SCOC: variants seen among roughly 807,000 people sequenced by gnomAD.
SCOC encodes short coiled-coil protein.
SCOC carries 7 observed loss-of-function variants against 9.9 expected under a neutral mutation model. The ratio of observed to expected loss-of-function variants is 0.71; its 90% CI spans 0.40 to 1.33. The LOEUF is 1.33. Among genes scored for constraint, SCOC ranks in the 40% most tolerant of loss-of-function variants. SCOC has a pLI of 0.01. For synonymous variants in SCOC, 19 were observed against 28.2 expected (o/e 0.67, Z 1.03); for missense variants, 66 against 89.7 (o/e 0.74, Z 1.07).
chr4:140,330,908 AAC>A (rs1348197292), intron 1 of SCOC, among the ~76,000 whole-genome samples: 4 of 152,334 alleles, frequency 2.6e-5, no homozygotes, highest in African/African-American at 9.6e-5. Context: ...GGATGAAAAA[AAC>A]AGTTTTTATT....
At chr4:140,332,839 T>C (rs908837557) in intron 1 of SCOC, among the ~76,000 whole-genome samples, 2 of 152,088 alleles carry the variant, frequency 1.3e-5, no homozygotes, top group Non-Finnish European at 2.9e-5. Context: ...ACTGCAATAG[T>C]CTTCTAAACT....
intron 1 of SCOC, among the ~76,000 whole-genome samples, chr4:140,332,050 G>A (rs1732829315): frequency 6.6e-6 from 1 of 152,008 alleles, no homozygotes; most frequent in Non-Finnish European, 1.5e-5. Flanking sequence ...ACTTTAGAAT[G>A]CCTAGATCTC....
intron 1 of SCOC, among the ~76,000 whole-genome samples, chr4:140,377,623 A>C (rs1728396933): frequency 6.6e-6 from 1 of 152,212 alleles, no homozygotes; most frequent in South Asian, 2.1e-4. Context: ...GTATATGTAC[A>C]CTGGGCATTT....
intron 1 of SCOC, among the ~76,000 whole-genome samples, chr4:140,313,915 G>C (rs1452872303): frequency 6.6e-6 from 1 of 152,044 alleles, no homozygotes; most frequent in Non-Finnish European, 1.5e-5. Context: ...CTCACTTGAG[G>C]TCAGGAATTC....
chr4:140,291,751 G>T (rs1339721699), intron 1 of SCOC, among the ~76,000 whole-genome samples: 1 of 152,130 alleles, frequency 6.6e-6, no homozygotes, highest in East Asian at 1.9e-4. Flanking sequence ...GGATCCATCT[G>T]ATTTCTCAGC....
rs374307499 is a variant in SCOC, at chr4:140,288,583, C to T, written c.-19+31173C>T. ...ATATATACACATGTACCACCCATACCACTCACATATCACACATCACATACA... is the reference window on the plus strand; with the variant it reads ...ATATATACACATGTACCACCCATACTACTCACATATCACACATCACATACA... On this transcript the variant is annotated intron_variant, in intron 1 of 4. Transcript: ENST00000394205. 8.4e-4 allele frequency among the ~76,000 whole-genome samples: 127 copies of T among 151,950 alleles called. 1 individual carries two copies. Among genetic ancestry groups the T allele is most frequent in the African/African-American group, 2.9e-3 (121 of 41,400 alleles).
intron 1 of SCOC, among the ~76,000 whole-genome samples, chr4:140,333,492 G>A (rs534305831): frequency 3.3e-5 from 5 of 152,078 alleles, no homozygotes; most frequent in Non-Finnish European, 7.4e-5. Context: ...GAAGTATTTT[G>A]TTTCATTTAT....
Position 140,385,711 on chromosome 4 carries a change from A to G in SCOC, c.*4607A>G, listed in dbSNP as rs1309046203. On this transcript the variant is annotated 3_prime_UTR_variant, in exon 4 of 4. Coordinates refer to ENST00000608372, the MANE Select transcript of SCOC (RefSeq NM_001153484.2). ...CCATTCTTTACTTTGCCCAATAAAAATTTTGTTATTCCCTGAACACTTTGT... is the reference window on the plus strand; with the variant it reads ...CCATTCTTTACTTTGCCCAATAAAAGTTTTGTTATTCCCTGAACACTTTGT... 6.6e-6 allele frequency: 1 copy of G among 152,200 alleles called. No homozygotes were observed. The highest frequency in any genetic ancestry group is 2.4e-5 in the African/African-American group (1 of 41,434). The allele number at this position is 152,200 out of a possible 1,614,324, so 9.4% of individuals were successfully genotyped here.
chr4:140,343,078 C>T (rs1726566421), upstream of SCOC, among the ~76,000 whole-genome samples: 1 of 151,912 alleles, frequency 6.6e-6, no homozygotes, highest in Non-Finnish European at 1.5e-5. Flanking sequence ...CATATATGTA[C>T]ATGTATGAAT....
At chr4:140,362,299 CTTTTTTTT>C (rs1183789218) in intron 2 of SCOC, among the ~76,000 whole-genome samples, 1 of 38,348 alleles carries the variant, frequency 2.6e-5, no homozygotes, top group African/African-American at 7.5e-5. Flanking sequence ...TCTTCTTCTT[CTTTTTTTT>C]TTTTTTTTGT....
chr4:140,324,975 G>C (rs995096542), intron 1 of SCOC, among the ~76,000 whole-genome samples: 8 of 151,970 alleles, frequency 5.3e-5, no homozygotes, highest in African/African-American at 1.7e-4. Context: ...ATAAGCTAAA[G>C]GACAGACACA....
chr4:140,272,232 TTTTTTATAGACCAGGTC>T (rs1421098833), intron 1 of SCOC, among the ~76,000 whole-genome samples: 4 of 151,884 alleles, frequency 2.6e-5, no homozygotes, highest in African/African-American at 9.7e-5. Context: ...ATTTTTTTTT[TTTTTTATAGACCAGGTC>T]TTACTATGTT....
chr4:140,346,809 T>A (rs1390252438), intron 2 of SCOC, among the ~76,000 whole-genome samples: 1 of 152,164 alleles, frequency 6.6e-6, no homozygotes, highest in Non-Finnish European at 1.5e-5. Context: ...GCTCCCAAAC[T>A]GTGTGCCAAG....
intron 3 of SCOC, among the ~76,000 whole-genome samples, chr4:140,380,345 C>G (rs1479599903): frequency 6.6e-6 from 1 of 151,710 alleles, no homozygotes. Flanking sequence ...TTACAGGCAC[C>G]TGCTACCATG....
chr4:140,309,363 A>T (rs994737683), intron 1 of SCOC, among the ~76,000 whole-genome samples: 1 of 152,296 alleles, frequency 6.6e-6, no homozygotes, highest in South Asian at 2.1e-4. Context: ...AAGACCAACC[A>T]TGAGTCTCTG....
chr4:140,325,524 C>A (rs1208776542), intron 1 of SCOC, among the ~76,000 whole-genome samples: 1 of 151,922 alleles, frequency 6.6e-6, no homozygotes, highest in Non-Finnish European at 1.5e-5. Context: ...TACAAACGGG[C>A]AAAATATCTG....
At chr4:140,344,250 T>C (rs573864517) in intron 2 of SCOC, among the ~76,000 whole-genome samples, 10 of 152,162 alleles carry the variant, frequency 6.6e-5, no homozygotes, top group South Asian at 6.2e-4. Context: ...TTGGAAAAAA[T>C]AGACAGTGCT....
At chr4:140,293,062 CT>C (rs1731521497) in intron 1 of SCOC, among the ~76,000 whole-genome samples, 1 of 152,228 alleles carries the variant, frequency 6.6e-6, no homozygotes, top group Admixed American at 6.5e-5. Context: ...CACGATTCCC[CT>C]GTAGAACACT....
At chr4:140,369,291 G>T, upstream of SCOC, 1 of 446,632 alleles carries the variant, frequency 2.2e-6, no homozygotes, top group Admixed American at 2.5e-5. Context: ...TTAACAAATA[G>T]GTTATATTCT....
Sources: gnomAD v4.1 joint callset for allele counts (sites outside exome capture counted in the v4.1 genomes callset) on GRCh38, gnomAD v4.1.1 for gene constraint, MANE v1.5 for transcripts, NCBI Gene and HGNC (gene_info 2026-07-23, HGNC 2026-07-21) for gene names.